Variants in MYH11 observed in about 807,000 individuals in gnomAD.
The protein encoded by MYH11 is myosin heavy chain 11.
In MYH11, 80 loss-of-function variants were observed where a neutral mutation model predicts 246.6. That is an observed-to-expected ratio of 0.32 (90% CI 0.27 to 0.39). The LOEUF (loss-of-function observed/expected upper bound fraction) is 0.39. MYH11 is among the 10% of genes least tolerant of loss of function. The pLI, the probability that MYH11 is intolerant of heterozygous loss-of-function variation, is 1.00. For synonymous variants in MYH11, 1,071 were observed against 1,015.5 expected (o/e 1.05, Z -1.04); for missense variants, 2,158 against 2,546.8 (o/e 0.85, Z 3.29).
chr16:15,776,427 G>A (rs2042222968), intron 7 of MYH11, among the ~76,000 whole-genome samples: 1 of 152,122 alleles, frequency 6.6e-6, no homozygotes, highest in Admixed American at 6.6e-5. Context: ...CCAGGAAGAA[G>A]GTAATGGTAA....
chr16:15,822,939 T>C (rs958801736), intron 3 of MYH11, among the ~76,000 whole-genome samples: 2 of 152,220 alleles, frequency 1.3e-5, no homozygotes, highest in Non-Finnish European at 2.9e-5. Context: ...CAGACCACAA[T>C]GGCTCAGCCC....
chr16:15,852,359 A>G (rs1334008544), intron 1 of MYH11, among the ~76,000 whole-genome samples: 2 of 119,424 alleles, frequency 1.7e-5, no homozygotes, highest in Non-Finnish European at 3.4e-5. Context: ...TTTGAGACCG[A>G]GTCTCACTCT....
intron 3 of MYH11, among the ~76,000 whole-genome samples, chr16:15,822,145 G>A (rs553842273): frequency 6.6e-6 from 1 of 152,296 alleles, no homozygotes; most frequent in East Asian, 1.9e-4. Context: ...TGGGGGCGGG[G>A]TCGTGGCATC....
chr16:15,755,115 A>T (rs1280432483), intron 14 of MYH11, among the ~76,000 whole-genome samples: 1 of 152,230 alleles, frequency 6.6e-6, no homozygotes, highest in Admixed American at 6.5e-5. Context: ...TGTGGGCCAG[A>T]TCGGACTCTG....
At chr16:15,717,386 G>A (rs771988710) in intron 37 of MYH11, 38 bp from the exon 38 acceptor site, 6 of 1,599,210 alleles carry the variant, frequency 3.8e-6, no homozygotes, top group Non-Finnish European at 5.1e-6. Flanking sequence ...CGGACTCAGG[G>A]AAGCCCAAGA....
chr16:15,737,304 T>A (rs755881139), intron 25 of MYH11, 145 bp downstream of exon 25: 3 of 970,814 alleles, frequency 3.1e-6, no homozygotes, highest in Non-Finnish European at 4.7e-6. Flanking sequence ...TCGAGAAGGC[T>A]TGTGGGAGGC....
At chr16:15,850,715 T>C (rs912765589) in intron 1 of MYH11, among the ~76,000 whole-genome samples, 1 of 151,918 alleles carries the variant, frequency 6.6e-6, no homozygotes, top group African/African-American at 2.4e-5. Flanking sequence ...CGCAACATGG[T>C]GAAACCCCAT....
rs12930054 is a variant in MYH11 at position 15,789,352 on chromosome 16, C to G, written c.531-2620G>C. 7.7e-3 allele frequency among the ~76,000 whole-genome samples: 1,168 copies of G among 152,260 alleles called. 8 individuals carry two copies. The highest frequency in any genetic ancestry group is 0.014 in the Middle Eastern group (4 of 294). On this transcript the variant is annotated intron_variant, in intron 4 of 40. Coordinates refer to ENST00000300036, the MANE Select transcript of MYH11 (RefSeq NM_002474.3). ...AGTACTAGGCTTTGGGCTCACAGATCTTTTCATTTACTCTACCCAGCAATC... is the reference window on the plus strand; with the variant it reads ...AGTACTAGGCTTTGGGCTCACAGATGTTTTCATTTACTCTACCCAGCAATC...
intron 1 of MYH11, among the ~76,000 whole-genome samples, chr16:15,855,839 T>C (rs2044452808): frequency 6.6e-6 from 1 of 152,240 alleles, no homozygotes; most frequent in Non-Finnish European, 1.5e-5. Flanking sequence ...ATTAATAGCC[T>C]GCATTCTTTT....
rs1009242495 is a variant in MYH11 at position 15,720,746 on chromosome 16, G to T, written c.4791+93C>A. On this transcript the variant is annotated intron_variant, in intron 33 of 40. Coordinates refer to ENST00000300036, the MANE Select transcript of MYH11 (RefSeq NM_002474.3). ...AGACTCTGTTTCAAAAAAAAATAAA[G>T]AAAACGAAGTTTCCACACCAACCAT... 1.4e-5 allele frequency: 19 copies of T among 1,320,624 alleles called. No individual in the cohort carries two copies. The East Asian group carries it at 2.7e-4, about 18-fold the overall frequency. 81.8% of individuals were successfully genotyped at this position (1,320,624 alleles called of 1,614,324 possible). A position where few individuals can be genotyped will look rare whatever the true frequency, so the allele number is the denominator to read the frequency against.
chr16:15,725,073 A>T, intron 28 of MYH11, 81 bp from the exon 29 acceptor site: 1 of 1,112,710 alleles, frequency 9.0e-7, no homozygotes, highest in East Asian at 2.5e-5. Flanking sequence ...CTCAAAACAC[A>T]TGGGCTAGTA....
intron 37 of MYH11, chr16:15,718,070 A>C: frequency 1.2e-5 from 7 of 581,484 alleles, no homozygotes; most frequent in African/African-American, 1.9e-5. Context: ...GCCGTGAGGT[A>C]CGGGGAGCCA....
intron 25 of MYH11, 48 bp downstream of exon 25, chr16:15,737,401 C>T: frequency 6.2e-7 from 1 of 1,603,670 alleles, no homozygotes; most frequent in Non-Finnish European, 8.5e-7. Context: ...AGCAGGGGCC[C>T]AGGGGATACA....
In MYH11 at chr16:15,725,120, G is replaced by A. The variant is rs1371155485; in HGVS notation, c.3859-128C>T. 11 of 692,448 alleles carry A rather than the reference G, an allele frequency of 1.6e-5. No homozygotes were observed. In the Admixed American group the frequency reaches 2.8e-4, roughly 18 times the overall value. The allele number at this position is 692,448 out of a possible 1,614,324, so 42.9% of individuals were successfully genotyped here. On this transcript the variant is annotated intron_variant, in intron 28 of 40. Coordinates refer to ENST00000300036, the MANE Select transcript of MYH11 (RefSeq NM_002474.3). ...CACTGATTGAGAAAATACCCGTGAG[G>A]TATGGGACTCTGATAAAAAAAAAAA...
intron 3 of MYH11, among the ~76,000 whole-genome samples, chr16:15,820,200 G>C (rs1188547887): frequency 6.6e-6 from 1 of 152,132 alleles, no homozygotes; most frequent in Non-Finnish European, 1.5e-5. Context: ...AAATTAGCCT[G>C]GTGTGATGGT....
intron 23 of MYH11, 150 bp from the exon 24 acceptor site, chr16:15,738,838 C>T: frequency 2.0e-6 from 2 of 976,974 alleles, no homozygotes; most frequent in East Asian, 5.3e-5. Flanking sequence ...AAAGAGAAGT[C>T]CCATAACAAT....
chr16:15,763,741 T>TGGGGGGGGCCCCCCCCCCCCCC, intron 10 of MYH11, 55 bp downstream of exon 10: 1 of 646,862 alleles, frequency 1.5e-6, no homozygotes, highest in East Asian at 3.2e-5. Context: ...AAATGTCACC[T>TGGGGGGGGCCCCCCCCCCCCCC]CCCCCACCCC....
chr16:15,793,354 T>G (rs1247888650), intron 4 of MYH11, among the ~76,000 whole-genome samples: 2 of 151,780 alleles, frequency 1.3e-5, no homozygotes, highest in Non-Finnish European at 2.9e-5. Flanking sequence ...GGTGCAGTGG[T>G]GCCATCATAG....
intron 1 of MYH11, among the ~76,000 whole-genome samples, chr16:15,846,480 G>C (rs2044193238): frequency 6.6e-6 from 1 of 152,158 alleles, no homozygotes; most frequent in African/African-American, 2.4e-5. Flanking sequence ...CAGAACGTGA[G>C]GGGGGCTTGT....
Sources: gnomAD v4.1 joint callset for allele counts (sites outside exome capture counted in the v4.1 genomes callset) on GRCh38, gnomAD v4.1.1 for gene constraint, MANE v1.5 for transcripts, NCBI Gene and HGNC (gene_info 2026-07-23, HGNC 2026-07-21) for gene names.